KAZN: variants seen among roughly 807,000 people sequenced by gnomAD.
The protein encoded by KAZN is kazrin.
Under a neutral mutation model 87.4 loss-of-function variants are expected in KAZN, and 40 were observed. That is an observed-to-expected ratio of 0.46 (90% CI 0.36 to 0.60). KAZN has a LOEUF of 0.60. KAZN is among the 20% of genes least tolerant of loss of function. The probability of loss-of-function intolerance (pLI) is 0.00; values close to 1 mark genes in which losing one functional copy is unlikely to be tolerated. For synonymous variants in KAZN, 466 were observed against 458.3 expected, an observed-to-expected ratio of 1.02 and a Z score of -0.22; for missense variants, 898 against 1,073.9, an observed-to-expected ratio of 0.84 and a Z score of 2.29.
At chr1:14,147,682 G>A (rs1645381869) in intron 1 of KAZN, among the ~76,000 whole-genome samples, 1 of 151,962 alleles carries the variant, frequency 6.6e-6, no homozygotes, top group Non-Finnish European at 1.5e-5. Flanking sequence ...TGTAGTCCCA[G>A]CTACTCGGCA....
At chr1:14,557,783 T>C (rs1250282496) in intron 2 of KAZN, among the ~76,000 whole-genome samples, 5 of 152,058 alleles carry the variant, frequency 3.3e-5, no homozygotes, top group Non-Finnish European at 7.4e-5. Flanking sequence ...GAGAGCCCAT[T>C]GTGTAGCTCT....
intron 2 of KAZN, among the ~76,000 whole-genome samples, chr1:14,232,520 C>T (rs1465650463): frequency 6.6e-6 from 1 of 152,146 alleles, no homozygotes; most frequent in Non-Finnish European, 1.5e-5. Context: ...TAGGGGCCGA[C>T]AAGGTCCCCT....
rs150717061 is a variant in KAZN at position 14,600,549 on chromosome 1, C to T, written c.226+1326C>T. ...TACTTTGGTAAGGAAGTAGCCATGA[C>T]GTAATGGTGAGAAGGTGTTGTGGTC... On this transcript the variant is annotated intron_variant, in intron 1 of 14. Coordinates refer to ENST00000376030, the MANE Select transcript of KAZN (RefSeq NM_201628.3). 5.3e-5 allele frequency among the ~76,000 whole-genome samples: 8 copies of T among 151,382 alleles called. No homozygotes were observed. In the East Asian group the frequency reaches 1.6e-3, roughly 30 times the overall value.
chr1:14,247,757 T>C (rs1049651680), intron 2 of KAZN, among the ~76,000 whole-genome samples: 3 of 152,234 alleles, frequency 2.0e-5, no homozygotes, highest in Non-Finnish European at 2.9e-5. Context: ...TTTACACTTA[T>C]GACAGGTTCA....
intron 4 of KAZN, among the ~76,000 whole-genome samples, chr1:15,047,369 A>C (rs1673681501): frequency 6.6e-6 from 1 of 152,178 alleles, no homozygotes; most frequent in South Asian, 2.1e-4. Flanking sequence ...AAGCAACAGA[A>C]AGCAGCTCTG....
At chr1:14,239,064 C>G (rs2359954) in intron 2 of KAZN, among the ~76,000 whole-genome samples, 1 of 151,970 alleles carries the variant, frequency 6.6e-6, no homozygotes, top group Non-Finnish European at 1.5e-5. Context: ...AGTTTCCTCT[C>G]TCTTTCTTTC....
chr1:14,561,543 A>G (rs1394820766), intron 2 of KAZN, among the ~76,000 whole-genome samples: 1 of 152,118 alleles, frequency 6.6e-6, no homozygotes, highest in Non-Finnish European at 1.5e-5. Context: ...GCAGGTGGGA[A>G]ACTTTCACAT....
intron 2 of KAZN, among the ~76,000 whole-genome samples, chr1:14,413,447 G>A (rs61771865): frequency 0.043 from 6,537 of 151,762 alleles, 176 homozygotes; most frequent in East Asian, 0.077. Context: ...AAAATTAGCC[G>A]GGCGTGGTGG....
intron 8 of KAZN, among the ~76,000 whole-genome samples, chr1:15,092,073 ATT>A (rs58871336): frequency 2.7e-4 from 20 of 75,456 alleles, no homozygotes; most frequent in South Asian, 9.2e-4. Context: ...TTTTTTTTTG[ATT>A]TTTTTTTTTT....
intron 1 of KAZN, among the ~76,000 whole-genome samples, chr1:14,637,395 A>G (rs1680072970): frequency 6.6e-6 from 1 of 152,136 alleles, no homozygotes; most frequent in Non-Finnish European, 1.5e-5. Flanking sequence ...GGCAGGTAGG[A>G]TTATCATCCC....
intron 1 of KAZN, among the ~76,000 whole-genome samples, chr1:14,771,193 GC>G (rs1486620276): frequency 6.6e-6 from 1 of 152,136 alleles, no homozygotes; most frequent in Admixed American, 6.5e-5. Flanking sequence ...TTTTTTAAAT[GC>G]CTAATAAAGG....
chr1:14,282,628 C>A (rs1652930911), intron 2 of KAZN, among the ~76,000 whole-genome samples: 1 of 152,150 alleles, frequency 6.6e-6, no homozygotes, highest in South Asian at 2.1e-4. Flanking sequence ...GGAGACCGAC[C>A]CTCTTACCAA....
intron 1 of KAZN, among the ~76,000 whole-genome samples, chr1:14,651,191 G>A (rs192780373): frequency 6.6e-6 from 1 of 152,336 alleles, no homozygotes; most frequent in Admixed American, 6.5e-5. Flanking sequence ...GCTTGGCTCT[G>A]TGAGCCTTTG....
chr1:13,900,741 C>A (rs1298227746), intron 1 of KAZN, among the ~76,000 whole-genome samples: 4 of 152,102 alleles, frequency 2.6e-5, no homozygotes, highest in Admixed American at 2.0e-4. Context: ...TGGGCAAGTA[C>A]CTTAACCTCT....
At chr1:14,097,220 G>C (rs941398399) in intron 1 of KAZN, among the ~76,000 whole-genome samples, 2 of 152,186 alleles carry the variant, frequency 1.3e-5, no homozygotes, top group Non-Finnish European at 2.9e-5. Context: ...CTAGTTGGGA[G>C]CCCATTGCCA....
intron 1 of KAZN, among the ~76,000 whole-genome samples, chr1:14,934,973 G>A (rs1047333437): frequency 2.1e-4 from 32 of 152,324 alleles, no homozygotes; most frequent in African/African-American, 3.1e-4. Context: ...TTCTAGCGCC[G>A]GGGGCCTCTG....
At chr1:15,103,248 C>A in intron 11 of KAZN, 111 bp from the exon 12 acceptor site, 1 of 756,026 alleles carries the variant, frequency 1.3e-6, no homozygotes, top group Non-Finnish European at 2.2e-6. Context: ...GCCTGGGCAG[C>A]AGAGAGAGAC....
In KAZN at chr1:14,601,436, A is replaced by AT. The variant is rs965271541; in HGVS notation, c.226+2225dup. Among the ~76,000 whole-genome samples, 887 of 140,400 alleles carry AT rather than the reference A, an allele frequency of 6.3e-3. 9 individuals are homozygous for AT. The highest frequency in any genetic ancestry group is 0.018 in the African/African-American group (695 of 38,414). 92.1% of individuals were successfully genotyped at this position (140,400 alleles called of 152,430 possible). On this transcript the variant is annotated intron_variant, in intron 1 of 14. Transcript: ENST00000376030. ...TATTTAGCCTCTGTAAGTTTGGGGG[A>AT]TTTTTTTTTTTTGATGGGGGCGGGA...
intron 1 of KAZN, among the ~76,000 whole-genome samples, chr1:13,947,097 T>G (rs1641175445): frequency 6.6e-6 from 1 of 152,112 alleles, no homozygotes; most frequent in South Asian, 2.1e-4. Context: ...CACACTGCTA[T>G]AAAGAAGTGC....
Sources: allele counts gnomAD v4.1 joint callset (sites outside exome capture counted in the v4.1 genomes callset), GRCh38; gene constraint gnomAD v4.1.1; transcripts MANE v1.5; gene names NCBI Gene and HGNC (gene_info 2026-07-23, HGNC 2026-07-21).